NDUFS2: variants seen among roughly 807,000 people sequenced by gnomAD.
NDUFS2 encodes the protein NADH dehydrogenase [ubiquinone] iron-sulfur protein 2, mitochondrial.
NDUFS2 carries 38 observed loss-of-function variants against 69.6 expected under a neutral mutation model. That is an observed-to-expected ratio of 0.55 (90% CI 0.42 to 0.72). NDUFS2 has a LOEUF of 0.72. NDUFS2 is among the 30% of genes least tolerant of loss of function. The pLI, the probability that NDUFS2 is intolerant of heterozygous loss-of-function variation, is 0.00. For missense variants in NDUFS2, 468 were observed against 595.0 expected, an observed-to-expected ratio of 0.79 and a Z score of 2.22; for synonymous variants, 194 against 211.2, an observed-to-expected ratio of 0.92 and a Z score of 0.70.
chr1:161,200,584 C>G (rs561766105), upstream of NDUFS2, among the ~76,000 whole-genome samples: 1 of 152,212 alleles, frequency 6.6e-6, no homozygotes, highest in African/African-American at 2.4e-5. Flanking sequence ...CTGCTCAGGT[C>G]GGTAATACCT....
rs751852644 is a variant in NDUFS2, at chr1:161,209,260, C to T, written c.461C>T (p.Ala154Val). 2 of 1,614,170 alleles carry T rather than the reference C, an allele frequency of 1.2e-6. No individual in the cohort carries two copies. Among genetic ancestry groups the T allele is most frequent in the Admixed American group, 1.7e-5 (1 of 60,014 alleles). ...MMCNEQAYSL[A>V]VEKLLNIRPP... is the part of the protein sequence containing the mutation. ...TGTAACGAACAGGCCTATTCTCTAG[C>T]TGTGGAGAAGTTGCTAAACATCCGG... is the stretch of plus-strand genomic sequence containing the variant. The change falls in exon 4 of 14, where the codon GCT (alanine) becomes GTT (valine). Residue 154 changes from alanine (A) to valine (V), a missense_variant. Physicochemically the swap from Ala to Val is moderately conservative, Grantham distance 64. Around this residue, in one of 3 missense-constraint regions of NDUFS2, gnomAD observed 339 missense variants for 433.8 expected, o/e 0.78. Transcript: ENST00000676972.
At chr1:161,207,402 C>G (rs1407097095) in intron 3 of NDUFS2, among the ~76,000 whole-genome samples, 1 of 152,200 alleles carries the variant, frequency 6.6e-6, no homozygotes, top group African/African-American at 2.4e-5. Context: ...CAGCAGACAG[C>G]TAGGACTTGG....
upstream of NDUFS2, chr1:161,199,634 G>C (rs1342227900): frequency 6.6e-6 from 1 of 152,470 alleles, no homozygotes; most frequent in Non-Finnish European, 1.5e-5. Flanking sequence ...GGGGAGGCAA[G>C]GAGACAGTGA....
Position 161,212,381 on chromosome 1 carries a change from G to GATAAT in NDUFS2, c.1017_1018insATAAT (p.Ser340IlefsTer4). On this transcript the variant is annotated frameshift_variant, in exon 10 of 14. Transcript: ENST00000676972. LOFTEE classifies it high-confidence loss of function. ...TGTGCCGGGTGGAGGAGATGCGCCA[G>GATAAT]TCCCTGAGAATTATCGCACAGTGTC... 1 of 1,613,748 alleles carries GATAAT rather than the reference G, an allele frequency of 6.2e-7. No individual in the cohort carries two copies. The highest frequency in any genetic ancestry group is 8.5e-7 in the Non-Finnish European group (1 of 1,179,764).
intron 9 of NDUFS2, among the ~76,000 whole-genome samples, chr1:161,211,704 G>A (rs1351578978): frequency 6.7e-6 from 1 of 148,268 alleles, no homozygotes; most frequent in Non-Finnish European, 1.5e-5. Context: ...TTCTCACCCT[G>A]AGTCAGATTT....
rs754919154 is a variant in NDUFS2 at position 161,211,126 on chromosome 1, C to T, written c.986+416C>T. 3.9e-5 allele frequency among the ~76,000 whole-genome samples: 6 copies of T among 152,212 alleles called. 1 individual carries two copies. Among genetic ancestry groups the T allele is most frequent in the African/African-American group, 7.2e-5 (3 of 41,454 alleles). ...CTGACCTCAGGTGATCTACCCGCCT[C>T]GGCCTCCAAAATTGTTGGGATTATA... On this transcript the variant is annotated intron_variant, in intron 9 of 13. Coordinates refer to ENST00000676972, the MANE Select transcript of NDUFS2 (RefSeq NM_001377299.1).
At chr1:161,198,469 G>T, upstream of NDUFS2, 1 of 1,570,502 alleles carries the variant, frequency 6.4e-7, no homozygotes, top group Non-Finnish European at 8.6e-7. The surrounding 1 kb of genome is among the most constrained non-coding windows in gnomAD (Gnocchi z 4.7). Context: ...GGGGGAGGGG[G>T]CTGGCCAGCC....
chr1:161,203,356 G>T, intron 1 of NDUFS2, 81 bp from the exon 2 acceptor site: 1 of 1,201,604 alleles, frequency 8.3e-7, no homozygotes, highest in Non-Finnish European at 1.2e-6. Flanking sequence ...ATCCTTCCTG[G>T]GTCCCCTTGA....
intron 1 of NDUFS2, 63 bp downstream of exon 1, chr1:161,202,543 G>T: frequency 6.9e-7 from 1 of 1,450,454 alleles, no homozygotes. Flanking sequence ...GGTTGGGGAC[G>T]CTTTACTCCC....
rs2102047781 is a variant in NDUFS2, at chr1:161,210,138, A to G, written c.730A>G (p.Ile244Val). 1 of 1,614,130 alleles carries G rather than the reference A, an allele frequency of 6.2e-7. No homozygotes were observed. Among genetic ancestry groups the G allele is most frequent in the East Asian group, 2.2e-5 (1 of 44,872 alleles). Residue 244 changes from isoleucine to valine, a missense_variant, in exon 7 of 14, where the codon ATT becomes GTT. Physicochemically the swap from Ile to Val is conservative, Grantham distance 29. Transcript: ENST00000676972. Reference protein sequence around the residue: ...QDLPLGLMDDIYQFSKNFSLR... With the variant: ...QDLPLGLMDDVYQFSKNFSLR... ...CCTACCCCTTGGGCTTATGGATGACATTTATCAGTTTTCTAAGAACTTCTC... is the reference window on the plus strand; with the variant it reads ...CCTACCCCTTGGGCTTATGGATGACGTTTATCAGTTTTCTAAGAACTTCTC...
Position 161,209,092 on chromosome 1 carries a change from C to G in NDUFS2, c.394-101C>G, listed in dbSNP as rs1665629458. ...GCTCCTGAGACTAGAAAGGCTTATA[C>G]AGCACCAACTTCTGGTGCCGACTGA... On this transcript the variant is annotated intron_variant, in intron 3 of 13. Transcript: ENST00000676972. The G allele has an allele frequency of 5.2e-6, 8 of 1,532,944 alleles. No homozygotes were observed. The East Asian group carries it at 1.8e-4, about 35-fold the overall frequency. 95.0% of individuals were successfully genotyped at this position (1,532,944 alleles called of 1,614,324 possible).
chr1:161,201,977 C>T (rs1665150107), upstream of NDUFS2: 1 of 319,448 alleles, frequency 3.1e-6, no homozygotes, highest in Non-Finnish European at 6.2e-6. Flanking sequence ...CCTATAAGGG[C>T]AGGGCTCAGA....
intron 5 of NDUFS2, 47 bp downstream of exon 5, chr1:161,209,642 G>T: frequency 6.8e-7 from 1 of 1,461,600 alleles, no homozygotes; most frequent in Non-Finnish European, 9.4e-7. Context: ...AGTGCAGGAA[G>T]TAGAGAAGGT....
At position 161,214,230 on chromosome 1, in the gene NDUFS2, C is replaced by T. The variant is rs527318221; in HGVS notation, c.*37C>T. 3 of 1,582,100 alleles carry T rather than the reference C, an allele frequency of 1.9e-6. No individual in the cohort carries two copies. Among genetic ancestry groups the T allele is most frequent in the South Asian group, 1.1e-5 (1 of 90,264 alleles). On this transcript the variant is annotated 3_prime_UTR_variant, in exon 14 of 14. Coordinates refer to ENST00000676972, the MANE Select transcript of NDUFS2 (RefSeq NM_001377299.1). The stretch of plus-strand genomic sequence containing the variant: ...GCGTTTGATCCCCCCTGCCTATCAG[C>T]TTCTTCTGTGGAGCCTGTTCCTCAC...
At chr1:161,198,064 G>A (rs770985919), upstream of NDUFS2, 4 of 1,608,888 alleles carry the variant, frequency 2.5e-6, no homozygotes, top group Admixed American at 1.7e-5. The surrounding 1 kb of genome is among the most constrained non-coding windows in gnomAD (Gnocchi z 4.7). Flanking sequence ...GACCTTGACC[G>A]CTGGCAGGAC....
In NDUFS2 at chr1:161,214,145, C is replaced by T; in HGVS notation, c.1355-11C>T. ...AGTAACATCACTTTTTTCCTCCATC[C>T]TCTCACCTAGGTACCCAAGATATTG... is the stretch of plus-strand genomic sequence containing the variant. On this transcript the variant is annotated splice_polypyrimidine_tract_variant and intron_variant, in intron 13 of 13. Coordinates refer to ENST00000676972, the MANE Select transcript of NDUFS2 (RefSeq NM_001377299.1). 1 of 1,614,004 alleles carries T rather than the reference C, an allele frequency of 6.2e-7. No individual in the cohort carries two copies. Among genetic ancestry groups the T allele is most frequent in the East Asian group, 2.2e-5 (1 of 44,886 alleles).
upstream of NDUFS2, among the ~76,000 whole-genome samples, chr1:161,200,516 T>C (rs1665067334): frequency 6.6e-6 from 1 of 152,136 alleles, no homozygotes; most frequent in South Asian, 2.1e-4. Context: ...CTCTGCTTTG[T>C]CACCTCCTGT....
In NDUFS2 at chr1:161,209,185, C is replaced by T. The variant is rs770508509; in HGVS notation, c.394-8C>T. ...TTAGATGTGACCCACATTCCTCCCT[C>T]TTCCCAGGCCCTTCCATACTTTGAC... On this transcript the variant is annotated splice_polypyrimidine_tract_variant and splice_region_variant and intron_variant, in intron 3 of 13. Transcript: ENST00000676972. 1.4e-5 allele frequency: 23 copies of T among 1,614,094 alleles called. No individual in the cohort carries two copies. The highest frequency in any genetic ancestry group is 3.4e-6 in the Non-Finnish European group (4 of 1,180,048).
Position 161,213,422 on chromosome 1 carries a change from G to A in NDUFS2, c.1159G>A (p.Glu387Lys). Residue 387 changes from glutamate (E) to lysine (K), a missense_variant, in exon 11 of 14, where the codon GAG (glutamate) becomes AAG (lysine). Physicochemically the swap from Glu to Lys is moderately conservative, Grantham distance 56. Coordinates refer to ENST00000676972, the MANE Select transcript of NDUFS2 (RefSeq NM_001377299.1). ...GATTCATCACTTTAAGTTGTATACT[G>A]AGGGCTACCAAGTTCCTCCAGGAGC... ...SLIHHFKLYTEGYQVPPGATY... is the reference protein window; with the variant it reads ...SLIHHFKLYTKGYQVPPGATY... The A allele has an allele frequency of 1.9e-6, 3 of 1,611,222 alleles. No homozygotes were observed. The highest frequency in any genetic ancestry group is 2.2e-5 in the East Asian group (1 of 44,876).
Sources: gnomAD v4.1 joint callset for allele counts (sites outside exome capture counted in the v4.1 genomes callset) on GRCh38, gnomAD v4.1.1 for gene constraint, gnomAD v4.1.1 regional missense constraint, Gnocchi (gnomAD v3.1) non-coding constraint, MANE v1.5 for transcripts, NCBI Gene and HGNC (gene_info 2026-07-23, HGNC 2026-07-21) for gene names.